The following APP variants were observed in gnomAD, a reference collection of about 807,000 sequenced individuals.
APP encodes the protein amyloid-beta precursor protein.
In APP, 31 loss-of-function variants were observed where a neutral mutation model predicts 101.4. The ratio of observed to expected loss-of-function variants is 0.31; its 90% CI spans 0.23 to 0.41. The LOEUF (loss-of-function observed/expected upper bound fraction) is 0.41, where lower values mean the gene tolerates loss of function less well. APP is among the 10% of genes least tolerant of loss of function. The probability of loss-of-function intolerance (pLI) is 1.00; values close to 1 mark genes in which losing one functional copy is unlikely to be tolerated. For synonymous variants in APP, 366 were observed against 364.4 expected, an observed-to-expected ratio of 1.00 and a Z score of -0.05; for missense variants, 839 against 1,003.7, an observed-to-expected ratio of 0.84 and a Z score of 2.22.
At chr21:26,045,875 G>A (rs191776410) in intron 5 of APP, among the ~76,000 whole-genome samples, 2 of 152,162 alleles carry the variant, frequency 1.3e-5, no homozygotes, top group African/African-American at 4.8e-5. Flanking sequence ...CTGAGACTGG[G>A]TAATTTACAG....
chr21:25,966,143 G>C (rs1270412668), intron 11 of APP, among the ~76,000 whole-genome samples: 1 of 152,214 alleles, frequency 6.6e-6, no homozygotes, highest in Non-Finnish European at 1.5e-5. Flanking sequence ...CCATTTGTAT[G>C]TAGCAAGATT....
intron 1 of APP, among the ~76,000 whole-genome samples, chr21:26,121,190 T>C (rs144810771): frequency 4.9e-4 from 74 of 152,350 alleles, no homozygotes; most frequent in Non-Finnish European, 7.5e-4. Flanking sequence ...TTTTGCTGCA[T>C]AGACCTAGCC....
chr21:26,012,774 G>A (rs560814148), intron 6 of APP, among the ~76,000 whole-genome samples: 3 of 152,222 alleles, frequency 2.0e-5, no homozygotes, highest in African/African-American at 7.2e-5. Flanking sequence ...AGAAGTTCGA[G>A]ACCAGTCTGG....
At chr21:26,033,937 A>C (rs1007876569) in intron 5 of APP, among the ~76,000 whole-genome samples, 2 of 152,196 alleles carry the variant, frequency 1.3e-5, no homozygotes, top group African/African-American at 4.8e-5. Context: ...TTCAGCTTTG[A>C]TCATGGTAGA....
rs1476357545 is a variant in APP at position 25,896,072 on chromosome 21, T to G, written c.2064+1501A>C. Reference sequence around the variant, plus strand: ...CAAATCTGTACATTAATCGTCAGCTTTCTACCCCACCAACTCTTCAACTCT... The same window carrying G: ...CAAATCTGTACATTAATCGTCAGCTGTCTACCCCACCAACTCTTCAACTCT... On this transcript the variant is annotated intron_variant, in intron 16 of 17. Transcript: ENST00000346798. 2.0e-5 allele frequency among the ~76,000 whole-genome samples: 3 copies of G among 152,176 alleles called. No homozygotes were observed. The East Asian group carries it at 5.8e-4, about 29-fold the overall frequency.
At chr21:25,916,913 G>T (rs994156556) in intron 13 of APP, among the ~76,000 whole-genome samples, 1 of 152,136 alleles carries the variant, frequency 6.6e-6, no homozygotes, top group Non-Finnish European at 1.5e-5. Context: ...AATAACAGAG[G>T]TATTTAATTT....
chr21:26,076,779 T>G (rs1410927488), intron 3 of APP, among the ~76,000 whole-genome samples: 2 of 152,048 alleles, frequency 1.3e-5, no homozygotes, highest in African/African-American at 2.4e-5. Context: ...AAAAGAAATT[T>G]TAGGCTGGGC....
intron 11 of APP, among the ~76,000 whole-genome samples, chr21:25,956,815 G>A (rs1420995773): frequency 6.6e-6 from 1 of 152,088 alleles, no homozygotes; most frequent in South Asian, 2.1e-4. Flanking sequence ...AGTTAACTTA[G>A]GAGCCATCTC....
intron 11 of APP, among the ~76,000 whole-genome samples, chr21:25,973,755 C>T (rs1293417759): frequency 1.3e-5 from 2 of 151,852 alleles, no homozygotes; most frequent in African/African-American, 4.8e-5. Context: ...TCAGCCTGGC[C>T]AACATGTTGA....
intron 13 of APP, among the ~76,000 whole-genome samples, chr21:25,925,353 C>T (rs188949131): frequency 8.5e-5 from 13 of 152,298 alleles, no homozygotes; most frequent in East Asian, 3.9e-4. Context: ...GTTCGTCATC[C>T]GCAAAATCGT....
At chr21:26,112,271 G>T in intron 1 of APP, 125 bp from the exon 2 acceptor site, 1 of 958,672 alleles carries the variant, frequency 1.0e-6, no homozygotes, top group Non-Finnish European at 1.6e-6. Flanking sequence ...AATCAGCCCG[G>T]TCTTCAACAC....
chr21:26,021,532 G>C (rs1049727968), intron 6 of APP, among the ~76,000 whole-genome samples: 2 of 152,086 alleles, frequency 1.3e-5, no homozygotes, highest in African/African-American at 2.4e-5. Context: ...GAATACCAAG[G>C]AGTCACCTAA....
At chr21:26,141,724 C>T (rs1214900472) in intron 1 of APP, among the ~76,000 whole-genome samples, 1 of 152,178 alleles carries the variant, frequency 6.6e-6, no homozygotes, top group Non-Finnish European at 1.5e-5. Flanking sequence ...TTACGCCTCA[C>T]AACAACCCTA....
intron 2 of APP, 95 bp downstream of exon 2, chr21:26,111,884 G>T (rs1568988804): frequency 7.6e-7 from 1 of 1,322,150 alleles, no homozygotes; most frequent in Admixed American, 1.7e-5. Context: ...TTTACTGTAG[G>T]GTTAAAATAC....
chr21:25,964,092 G>A (rs573616365), intron 11 of APP, among the ~76,000 whole-genome samples: 44 of 152,262 alleles, frequency 2.9e-4, no homozygotes, highest in African/African-American at 1.1e-3. Flanking sequence ...AGTTCATAAG[G>A]CCAGAGCAAA....
intron 14 of APP, among the ~76,000 whole-genome samples, chr21:25,908,305 T>C (rs1456538129): frequency 6.6e-6 from 1 of 152,246 alleles, no homozygotes; most frequent in African/African-American, 2.4e-5. Context: ...GATATGCTTA[T>C]TTTCTTCAAT....
intron 4 of APP, 90 bp from the exon 5 acceptor site, chr21:26,051,283 CA>C (rs749521366): frequency 2.2e-5 from 29 of 1,312,536 alleles, no homozygotes; most frequent in Non-Finnish European, 3.0e-5. Context: ...CATGCAGACC[CA>C]ATATATTAGG....
intron 8 of APP, among the ~76,000 whole-genome samples, chr21:25,992,891 G>A (rs1601140808): frequency 1.3e-5 from 2 of 152,252 alleles, no homozygotes; most frequent in East Asian, 3.9e-4. Flanking sequence ...TGTGCTAATG[G>A]GAACTAACAT....
intron 1 of APP, among the ~76,000 whole-genome samples, chr21:26,162,296 G>C (rs2063508425): frequency 6.6e-6 from 1 of 152,182 alleles, no homozygotes; most frequent in Non-Finnish European, 1.5e-5. Context: ...CTTCAGCCTG[G>C]GTGACAGAGT....
Sources: allele counts gnomAD v4.1 joint callset (sites outside exome capture counted in the v4.1 genomes callset), GRCh38; gene constraint gnomAD v4.1.1; transcripts MANE v1.5; gene names NCBI Gene and HGNC (gene_info 2026-07-23, HGNC 2026-07-21).